The following ABCC6 variants were observed in gnomAD, a reference collection of about 807,000 sequenced individuals.
The protein encoded by ABCC6 is ATP binding cassette subfamily C member 6, also known as ATP-binding cassette sub-family C member 6.
A neutral mutation model predicts 169.5 loss-of-function variants in ABCC6; 126 were observed. The ratio of observed to expected loss-of-function variants is 0.74; its 90% CI spans 0.64 to 0.86. The LOEUF (loss-of-function observed/expected upper bound fraction) is 0.86. Among genes scored for constraint, ABCC6 ranks in the 40% least tolerant of loss-of-function variants. The pLI is 0.00. For missense variants in ABCC6, 1,733 were observed against 1,927.2 expected (o/e 0.90, Z 1.89); for synonymous variants, 752 against 814.7 (o/e 0.92, Z 1.31).
chr16:16,154,261 A>G (rs950226983), intron 29 of ABCC6, among the ~76,000 whole-genome samples: 1 of 151,584 alleles, frequency 6.6e-6, no homozygotes, highest in African/African-American at 2.4e-5. Flanking sequence ...CTTGACATTT[A>G]CCAAAAAAAA....
intron 30 of ABCC6, 28 bp from the exon 31 acceptor site, chr16:16,150,269 T>G: frequency 6.2e-7 from 1 of 1,613,528 alleles, no homozygotes; most frequent in Non-Finnish European, 8.5e-7. Flanking sequence ...ACAGAGAGGC[T>G]CTTTGGACAC....
At chr16:16,155,797 T>A (rs2046531690) in intron 27 of ABCC6, 1 of 152,416 alleles carries the variant, frequency 6.6e-6, no homozygotes. Flanking sequence ...AGTACCTGTT[T>A]AGGCACCGGA....
Position 16,162,992 on chromosome 16 carries a change from C to T in ABCC6, c.3506+1G>A, listed in dbSNP as rs1359856569. 7 of 1,613,960 alleles carry T rather than the reference C, an allele frequency of 4.3e-6. No individual in the cohort carries two copies. The highest frequency in any genetic ancestry group is 1.1e-5 in the South Asian group (1 of 91,080). On this transcript the variant is annotated splice_donor_variant, in intron 24 of 30. Coordinates refer to ENST00000205557, the MANE Select transcript of ABCC6 (RefSeq NM_001171.6). LOFTEE classifies it high-confidence loss of function. ...GTCTTCTCTGCCCTGGCTCTTCCTA[C>T]CTGTCAGCCACCAGTCGCGGGAAAC... is the stretch of plus-strand genomic sequence containing the variant.
At chr16:16,162,135 G>A (rs571670012) in intron 24 of ABCC6, among the ~76,000 whole-genome samples, 21 of 152,302 alleles carry the variant, frequency 1.4e-4, no homozygotes, top group African/African-American at 5.1e-4. Flanking sequence ...CAGCCACGTG[G>A]AACTGAGTCA....
At chr16:16,191,688 C>G (rs531449421) in intron 11 of ABCC6, among the ~76,000 whole-genome samples, 1 of 148,838 alleles carries the variant, frequency 6.7e-6, no homozygotes, top group Non-Finnish European at 1.5e-5. Flanking sequence ...TTCTCTCCCT[C>G]ATTCCTTCTC....
rs116649572 is a variant in ABCC6 at position 16,197,443 on chromosome 16, G to A, written c.1338+578C>T. Among the ~76,000 whole-genome samples the A allele has an allele frequency of 4.1e-3, 624 of 151,136 alleles. 5 individuals carry two copies. The highest frequency in any genetic ancestry group is 0.013 in the African/African-American group (538 of 41,112). ...GGAGGAGATGGGGGTGGAAGGGGAGGAGAAAAAGGAGGAGAGGAAGAAGAA... is the reference window on the plus strand; with the variant it reads ...GGAGGAGATGGGGGTGGAAGGGGAGAAGAAAAAGGAGGAGAGGAAGAAGAA... On this transcript the variant is annotated intron_variant, in intron 10 of 30. Coordinates refer to ENST00000205557, the MANE Select transcript of ABCC6 (RefSeq NM_001171.6).
rs2046347667 is a variant in ABCC6, at chr16:16,150,213, C to G, written c.4432G>C (p.Ala1478Pro). 1 of 1,613,914 alleles carries G rather than the reference C, an allele frequency of 6.2e-7. No individual in the cohort carries two copies. Among genetic ancestry groups the G allele is most frequent in the African/African-American group, 1.3e-5 (1 of 74,934 alleles). ...RVLVMDKGQV[A>P]ESGSPAQLLA... ...AGCTGGGCCGGGCTGCCGCTCTCTG[C>G]CACCTGCCCCTTGTCCATGACCAGA... Residue 1478 changes from alanine to proline, a missense_variant, in exon 31 of 31, where the codon GCA (alanine) becomes CCA (proline). Ala to Pro is a conservative substitution (Grantham distance 27). Coordinates refer to ENST00000205557, the MANE Select transcript of ABCC6 (RefSeq NM_001171.6).
chr16:16,155,031 C>A lies in ABCC6; in HGVS notation c.3883G>T (p.Val1295Leu). Residue 1295 changes from valine to leucine, a missense_variant and splice_region_variant, in exon 28 of 31, where the codon GTG becomes TTG. Physicochemically the swap from Val to Leu is conservative, Grantham distance 32. This residue lies in a region of ABCC6 where 1,601 missense variants were observed against 1,635.5 expected (regional missense o/e 0.98). Coordinates refer to ENST00000205557, the MANE Select transcript of ABCC6 (RefSeq NM_001171.6). ...VSFKIHAGEK[V>L]GIVGRTGAGK... ...GCCCCGGTCCTGCCAACGATGCCCA[C>A]CTGCCCGGGGTTGGGAGGAAAGGCC... 2 of 1,553,460 alleles carry A rather than the reference C, an allele frequency of 1.3e-6. No individual in the cohort carries two copies. Among genetic ancestry groups the A allele is most frequent in the Non-Finnish European group, 1.7e-6 (2 of 1,149,402 alleles).
At chr16:16,167,080 C>T (rs1200312983) in intron 22 of ABCC6, among the ~76,000 whole-genome samples, 1 of 152,216 alleles carries the variant, frequency 6.6e-6, no homozygotes, top group Non-Finnish European at 1.5e-5. Context: ...GCACATCCTT[C>T]CTCCCAGTGC....
chr16:16,163,884 C>T (rs1425576689), intron 23 of ABCC6, among the ~76,000 whole-genome samples: 2 of 152,168 alleles, frequency 1.3e-5, no homozygotes, highest in Non-Finnish European at 2.9e-5. Context: ...GATTCAGCAG[C>T]TGTCCTGAGT....
intron 29 of ABCC6, among the ~76,000 whole-genome samples, chr16:16,153,037 T>G (rs546214308): frequency 1.3e-5 from 2 of 152,072 alleles, no homozygotes; most frequent in Non-Finnish European, 2.9e-5. Context: ...CCCACGTAAC[T>G]GGGATTACAG....
chr16:16,193,762 A>G (rs6498619), intron 10 of ABCC6, among the ~76,000 whole-genome samples: 26,463 of 152,146 alleles, frequency 0.17, 3,911 homozygotes, highest in East Asian at 0.55. Context: ...ACTCGCCCTG[A>G]ATTCTTTCTT....
rs923888648 is a variant in ABCC6, at chr16:16,190,306, G to A, written c.1493C>T (p.Ser498Leu). ...CCAGCCATGGAACTTGATGGTCTTCGAGTTCCTGAGGATAGAGCTGGTGAG... is the reference window on the plus strand; with the variant it reads ...CCAGCCATGGAACTTGATGGTCTTCAAGTTCCTGAGGATAGAGCTGGTGAG... Reference protein sequence around the residue: ...ARLTSSILRNSKTIKFHGWEG... With the variant: ...ARLTSSILRNLKTIKFHGWEG... The change falls in exon 12 of 31, where the codon TCG becomes TTG. Residue 498 changes from serine (S) to leucine (L), a missense_variant. By Grantham distance (145) the Ser-to-Leu change is moderately radical. This residue lies in a region of ABCC6 where 1,601 missense variants were observed against 1,635.5 expected (regional missense o/e 0.98). Transcript: ENST00000205557. 9.9e-6 allele frequency: 16 copies of A among 1,614,022 alleles called. No homozygotes were observed. The highest frequency in any genetic ancestry group is 2.7e-5 in the African/African-American group (2 of 74,922).
In ABCC6 at chr16:16,165,840, C is replaced by T. The variant is rs374451029; in HGVS notation, c.3089G>A (p.Arg1030Gln). 16 of 1,613,264 alleles carry T rather than the reference C, an allele frequency of 9.9e-6. No homozygotes were observed. The highest frequency in any genetic ancestry group is 6.7e-5 in the African/African-American group (5 of 74,914). Residue 1030 changes from arginine to glutamine, a missense_variant, in exon 23 of 31, where the codon CGA becomes CAA. This residue lies in a region of ABCC6 where 1,601 missense variants were observed against 1,635.5 expected (regional missense o/e 0.98). Coordinates refer to ENST00000205557, the MANE Select transcript of ABCC6 (RefSeq NM_001171.6). ...CCGCTCAAAGAAGCTGATGGGAGAT[C>T]GCACCACATCCCACAGGAGCCTCTG... is the stretch of plus-strand genomic sequence containing the variant. ...LFQRLLWDVV[R>Q]SPISFFERTP... is the part of the protein sequence containing the mutation.
At position 16,198,069 on chromosome 16, in the gene ABCC6, C is replaced by T. The variant is rs1567523122; in HGVS notation, c.1290G>A (p.Leu430=). Residue 430 remains leucine, a synonymous_variant, in exon 10 of 31, where the codon CTG becomes CTA. Coordinates refer to ENST00000205557, the MANE Select transcript of ABCC6 (RefSeq NM_001171.6). ...LTESVLYLNG[L]WLPLVWIVVC... The stretch of plus-strand genomic sequence containing the variant: ...CCACGATCCAGACGAGAGGCAGCCA[C>T]AGCCCGTTGAGGTAGAGGACGCTCT... 1.2e-6 allele frequency: 2 copies of T among 1,614,122 alleles called. No homozygotes were observed. The highest frequency in any genetic ancestry group is 1.7e-5 in the Admixed American group (1 of 60,014).
chr16:16,176,273 C>T (rs765352683), intron 19 of ABCC6, among the ~76,000 whole-genome samples: 1 of 152,146 alleles, frequency 6.6e-6, no homozygotes, highest in Admixed American at 6.6e-5. Flanking sequence ...ACCTCTGTTT[C>T]CCCCAACAGC....
At chr16:16,179,565 A>C (rs112466649) in intron 17 of ABCC6, among the ~76,000 whole-genome samples, 6 of 152,060 alleles carry the variant, frequency 3.9e-5, no homozygotes, top group African/African-American at 4.8e-5. Context: ...TTGATTGTGC[A>C]CTTCTATTAT....
intron 17 of ABCC6, among the ~76,000 whole-genome samples, chr16:16,180,594 G>A (rs1306032248): frequency 6.6e-6 from 1 of 152,152 alleles, no homozygotes; most frequent in East Asian, 1.9e-4. Flanking sequence ...CTGGGTTCAA[G>A]CGATTCTCCT....
intron 11 of ABCC6, 75 bp downstream of exon 11, chr16:16,192,755 C>T (rs1398234372): frequency 3.6e-6 from 5 of 1,395,632 alleles, no homozygotes; most frequent in Non-Finnish European, 5.0e-6. Context: ...GCTCTCCCCT[C>T]CGCATCTCCC....
Sources: allele counts gnomAD v4.1 joint callset (sites outside exome capture counted in the v4.1 genomes callset), GRCh38; gene constraint gnomAD v4.1.1; regional missense constraint gnomAD v4.1.1; transcripts MANE v1.5; gene names NCBI Gene and HGNC (gene_info 2026-07-23, HGNC 2026-07-21).